Variants in BRD10 observed in about 807,000 individuals in gnomAD.
The protein encoded by BRD10 is bromodomain containing 10, also known as uncharacterized bromodomain-containing protein 10.
At chr9:5,988,539 C>G in the BRD10 span, 14 of 1,612,418 alleles carry the variant, frequency 8.7e-6, no homozygotes, top group South Asian at 1.5e-4. Context: ...TCTTTTCTCT[C>G]AAGTGCCTTG....
the BRD10 span, among the ~76,000 whole-genome samples, chr9:6,005,700 G>C: frequency 6.6e-6 from 1 of 152,124 alleles, no homozygotes; most frequent in African/African-American, 2.4e-5. Context: ...CAATCAGGAG[G>C]ATACTTCATA....
At chr9:5,976,809 A>T in the BRD10 span, among the ~76,000 whole-genome samples, 1 of 152,084 alleles carries the variant, frequency 6.6e-6, no homozygotes, top group African/African-American at 2.4e-5. Flanking sequence ...TCCTGAAGGC[A>T]GTGCATACAT....
chr9:5,972,292 AG>A, the BRD10 span, among the ~76,000 whole-genome samples: 1 of 152,234 alleles, frequency 6.6e-6, no homozygotes, highest in South Asian at 2.1e-4. Flanking sequence ...TGAAAACATG[AG>A]CAAAGAGAAG....
the BRD10 span, among the ~76,000 whole-genome samples, chr9:5,969,712 A>G: frequency 6.6e-6 from 1 of 151,904 alleles, no homozygotes; most frequent in African/African-American, 2.4e-5. Flanking sequence ...CCCAGCTAAC[A>G]TTTTGTATTT....
At chr9:5,974,177 C>T in the BRD10 span, among the ~76,000 whole-genome samples, 1 of 152,102 alleles carries the variant, frequency 6.6e-6, no homozygotes, top group Non-Finnish European at 1.5e-5. Context: ...GAATGACAGA[C>T]TGAGAGATCT....
chr9:5,959,079 TTTC>T, the BRD10 span, among the ~76,000 whole-genome samples: 5 of 152,326 alleles, frequency 3.3e-5, no homozygotes, highest in Non-Finnish European at 7.3e-5. Context: ...TGAACACCCA[TTTC>T]TTTTTACCCT....
At chr9:5,915,758 A>G in the BRD10 span, among the ~76,000 whole-genome samples, 1 of 152,124 alleles carries the variant, frequency 6.6e-6, no homozygotes, top group Non-Finnish European at 1.5e-5. Flanking sequence ...TATTTTTTGT[A>G]TTGAGGACAG....
At chr9:5,902,766 C>G in the BRD10 span, among the ~76,000 whole-genome samples, 1 of 152,048 alleles carries the variant, frequency 6.6e-6, no homozygotes, top group South Asian at 2.1e-4. Flanking sequence ...CTTGCCCTCC[C>G]AAAGTACTGG....
At chr9:5,997,341 T>C in the BRD10 span, among the ~76,000 whole-genome samples, 5 of 152,204 alleles carry the variant, frequency 3.3e-5, no homozygotes, top group Non-Finnish European at 7.3e-5. Flanking sequence ...GCATATTTCT[T>C]ATGCGAAGTG....
At chr9:5,959,420 A>G in the BRD10 span, among the ~76,000 whole-genome samples, 187 of 152,346 alleles carry the variant, frequency 1.2e-3, 1 homozygote, top group Non-Finnish European at 2.3e-3. Flanking sequence ...GGGGAATAAT[A>G]GTAATATTTA....
At chr9:5,915,008 CAAT>C in the BRD10 span, among the ~76,000 whole-genome samples, 28 of 152,178 alleles carry the variant, frequency 1.8e-4, no homozygotes, top group East Asian at 2.1e-3. Context: ...AACAAAACAA[CAAT>C]AACCCCCAAC....
the BRD10 span, among the ~76,000 whole-genome samples, chr9:5,993,499 AG>A: frequency 6.6e-6 from 1 of 152,160 alleles, no homozygotes; most frequent in African/African-American, 2.4e-5. Flanking sequence ...CAAGGTTGAG[AG>A]AAAATAGGAA....
chr9:5,923,061 G>T, the BRD10 span: 1 of 1,613,996 alleles, frequency 6.2e-7, no homozygotes, highest in Non-Finnish European at 8.5e-7. Flanking sequence ...GGCTCTGTAT[G>T]CTTTGATTCA....
At chr9:5,908,867 A>T in the BRD10 span, 11 of 614,902 alleles carry the variant, frequency 1.8e-5, no homozygotes, top group East Asian at 1.1e-4. Context: ...GTCCGCTAGC[A>T]GTACTAATCA....
the BRD10 span, among the ~76,000 whole-genome samples, chr9:5,894,626 T>C: frequency 6.6e-6 from 1 of 152,152 alleles, no homozygotes; most frequent in Non-Finnish European, 1.5e-5. This position sits in a 1 kb window ranked among gnomAD's most constrained non-coding sequence, Gnocchi z 4.0. Context: ...GGGAGGGGCA[T>C]AATGAAGCTG....
chr9:5,922,040 T>C, the BRD10 span: 1 of 1,614,022 alleles, frequency 6.2e-7, no homozygotes, highest in Non-Finnish European at 8.5e-7. Flanking sequence ...CAGAAATGCC[T>C]GCAGCTGAGG....
chr9:5,879,864 A>G, the BRD10 span, among the ~76,000 whole-genome samples: 1 of 152,210 alleles, frequency 6.6e-6, no homozygotes, highest in South Asian at 2.1e-4. Context: ...TCCCTGTCAG[A>G]TAATAAGTCA....
the BRD10 span, chr9:5,892,403 G>C: frequency 5.1e-6 from 7 of 1,367,442 alleles, no homozygotes; most frequent in South Asian, 9.3e-5. Context: ...ATGATGAATA[G>C]GGTGGCTTTG....
chr9:5,945,842 T>A, the BRD10 span, among the ~76,000 whole-genome samples: 1 of 152,014 alleles, frequency 6.6e-6, no homozygotes, highest in Non-Finnish European at 1.5e-5. Flanking sequence ...TACAACCGAA[T>A]AGAGAGGAAA....
Sources: gnomAD v4.1 joint callset for allele counts (sites outside exome capture counted in the v4.1 genomes callset) on GRCh38, gnomAD v4.1.1 for gene constraint, Gnocchi (gnomAD v3.1) non-coding constraint, MANE v1.5 for transcripts, NCBI Gene and HGNC (gene_info 2026-07-23, HGNC 2026-07-21) for gene names.